CEACAM20: variants seen among roughly 807,000 people sequenced by gnomAD.
The protein encoded by CEACAM20 is cell adhesion molecule CEACAM20.
Under a neutral mutation model 61.2 loss-of-function variants are expected in CEACAM20, and 50 were observed. The ratio of observed to expected loss-of-function variants is 0.82; its 90% CI spans 0.65 to 1.03. CEACAM20 has a LOEUF of 1.03. Ranked by LOEUF, CEACAM20 falls within the 50% of genes least tolerant of loss-of-function variation. The pLI, the probability that CEACAM20 is intolerant of heterozygous loss-of-function variation, is 0.00. For synonymous variants in CEACAM20, 282 were observed against 287.7 expected (o/e 0.98, Z 0.20); for missense variants, 683 against 736.4 (o/e 0.93, Z 0.84).
At position 44,525,232 on chromosome 19, in the gene CEACAM20, G is replaced by A. The variant is rs1368384264; in HGVS notation, c.65C>T (p.Thr22Ile). 1.3e-6 allele frequency: 2 copies of A among 1,588,812 alleles called. No homozygotes were observed. The highest frequency in any genetic ancestry group is 1.8e-5 in the Admixed American group (1 of 54,938). ...MGILLSASLC[T>I]VWSPPAAAQL... ...GGCTGCAGCTGGAGGACTCCATACG[G>A]TACAAAGCGAGGCTACAAGGGGAGA... The change falls in exon 2 of 12, where the codon ACC becomes ATC. Residue 22 changes from threonine (T) to isoleucine (I), a missense_variant. Transcript: ENST00000614924.
chr19:44,524,005 G>A lies in CEACAM20; in HGVS notation c.453C>T (p.Pro151=), dbSNP rs1971447789. 2 of 1,552,296 alleles carry A rather than the reference G, an allele frequency of 1.3e-6. No homozygotes were observed. Among genetic ancestry groups the A allele is most frequent in the Non-Finnish European group, 1.7e-6 (2 of 1,147,118 alleles). ...ACTCACACTTCACATCCAGGAAGAT[G>A]GGGTCGCTCCTCTGGCTCAGAAGGG... is the stretch of plus-strand genomic sequence containing the variant. ...RDALLSQRSD[P]IFLDVKYGPD... The change falls in exon 3 of 12, where the codon CCC becomes CCT. Residue 151 remains proline, a synonymous_variant. Transcript: ENST00000614924.
chr19:44,529,375 C>CAG, intron 1 of CEACAM20, 83 bp downstream of exon 1: 1 of 1,222,842 alleles, frequency 8.2e-7, no homozygotes, highest in South Asian at 1.2e-5. Flanking sequence ...CACACACACA[C>CAG]ACACACACAC....
At chr19:44,515,057 TC>T (rs1971115540) in intron 6 of CEACAM20, among the ~76,000 whole-genome samples, 1 of 151,972 alleles carries the variant, frequency 6.6e-6, no homozygotes, top group Admixed American at 6.6e-5. Context: ...CGGCTGGTCT[TC>T]AACTCCTGAC....
At chr19:44,521,199 G>T (rs1182082746) in intron 4 of CEACAM20, among the ~76,000 whole-genome samples, 2 of 152,064 alleles carry the variant, frequency 1.3e-5, no homozygotes, top group Non-Finnish European at 1.5e-5. Flanking sequence ...TGTATGTGCT[G>T]CATGTGGTAT....
chr19:44,528,136 CTTTCTTTCT>C (rs1329147582), intron 1 of CEACAM20, among the ~76,000 whole-genome samples: 3 of 140,222 alleles, frequency 2.1e-5, no homozygotes, highest in African/African-American at 5.7e-5. Flanking sequence ...ACTGGTATCT[CTTTCTTTCT>C]TTTCTTTCTT....
chr19:44,513,044 T>G (rs952448442), intron 7 of CEACAM20, 91 bp from the exon 8 acceptor site: 3 of 1,325,340 alleles, frequency 2.3e-6, no homozygotes, highest in African/African-American at 2.9e-5. Context: ...TCTTGAACAA[T>G]GCCCACAACC....
At chr19:44,528,164 TTCTTTCC>T (rs1243048594) in intron 1 of CEACAM20, among the ~76,000 whole-genome samples, 1 of 97,510 alleles carries the variant, frequency 1.0e-5, no homozygotes, top group Non-Finnish European at 2.5e-5. Flanking sequence ...TTTCTTTTCT[TTCTTTCC>T]TTTCTTTCTT....
rs1970976530 is a variant in CEACAM20 at position 44,510,937 on chromosome 19, A to G, written c.1737+93T>C. ...GATTTTTAAAGGGAAATTTTTCTTC[A>G]TAGTTCATCCTACAGACTCTTTAGT... is the stretch of plus-strand genomic sequence containing the variant. On this transcript the variant is annotated intron_variant, in intron 11 of 11. Coordinates refer to ENST00000614924, the MANE Select transcript of CEACAM20 (RefSeq NM_001102597.3). The G allele has an allele frequency of 2.7e-6, 4 of 1,472,816 alleles. No homozygotes were observed. The Admixed American group carries it at 6.7e-5, about 25-fold the overall frequency. 91.2% of individuals were successfully genotyped at this position (1,472,816 alleles called of 1,614,324 possible). A position where few individuals can be genotyped will look rare whatever the true frequency, so the allele number is the denominator to read the frequency against.
chr19:44,518,173 AGCAGGCAGGCAGGCAG>A, intron 5 of CEACAM20, among the ~76,000 whole-genome samples: 1 of 138,932 alleles, frequency 7.2e-6, no homozygotes, highest in African/African-American at 2.7e-5. Context: ...GAAGGAAGAA[AGCAGGCAGGCAGGCAG>A]GCAGGCAGGC....
intron 11 of CEACAM20, among the ~76,000 whole-genome samples, chr19:44,508,412 C>A (rs1970878507): frequency 6.6e-6 from 1 of 152,124 alleles, no homozygotes; most frequent in African/African-American, 2.4e-5. Context: ...CTTTCTGAGA[C>A]AAGGTCTTGT....
chr19:44,512,073 G>T lies in CEACAM20; in HGVS notation c.1519C>A (p.Leu507Met), dbSNP rs1486670285. The T allele has an allele frequency of 2.5e-6, 4 of 1,606,634 alleles. No homozygotes were observed. The African/African-American group carries it at 5.3e-5, about 21-fold the overall frequency. ...EHPTEPSSES[L>M]SPEYRNISQL... ...GATATATTGCGATACTCAGGACTCA[G>T]GCTTTCTAGAAAAAGTGAATCTCAG... Residue 507 changes from leucine to methionine, a missense_variant, in exon 9 of 12, where the codon CTG (leucine) becomes ATG (methionine). Transcript: ENST00000614924.
intron 11 of CEACAM20, among the ~76,000 whole-genome samples, chr19:44,510,599 AGAAAGAAAGAAAAAGGAAGGAAGG>A (rs1970958102): frequency 2.9e-5 from 2 of 68,410 alleles, no homozygotes; most frequent in Non-Finnish European, 5.2e-5. Context: ...AAAGAAAGAA[AGAAAGAAAGAAAAAGGAAGGAAGG>A]AAGAAAGAAA....
intron 5 of CEACAM20, 143 bp downstream of exon 5, chr19:44,520,331 C>T (rs1971315076): frequency 1.8e-6 from 2 of 1,086,862 alleles, no homozygotes; most frequent in Non-Finnish European, 2.6e-6. Flanking sequence ...TGAGGGCAGG[C>T]ACTTGGCCCT....
chr19:44,524,700 T>C (rs1971474377), intron 2 of CEACAM20, among the ~76,000 whole-genome samples: 1 of 152,052 alleles, frequency 6.6e-6, no homozygotes, highest in Non-Finnish European at 1.5e-5. Context: ...CCACCTCAGC[T>C]TCCCAAATAG....
At position 44,506,212 on chromosome 19, in the gene CEACAM20, C is replaced by A. The variant is rs1970814880; in HGVS notation, c.1740G>T (p.Glu580Asp). The A allele has an allele frequency of 1.9e-6, 3 of 1,613,534 alleles. No individual in the cohort carries two copies. The highest frequency in any genetic ancestry group is 2.5e-6 in the Non-Finnish European group (3 of 1,179,720). Residue 580 changes from glutamate to aspartate, a missense_variant and splice_region_variant, in exon 12 of 12, where the codon GAG becomes GAT. Glu to Asp is a conservative substitution (Grantham distance 45, BLOSUM62 2). Transcript: ENST00000614924. ...AAGTGTTGGGCTCTGGATTCACAAGCTCCTGTTAAACAAAGAGAAAATGTG... is the reference window on the plus strand; with the variant it reads ...AAGTGTTGGGCTCTGGATTCACAAGATCCTGTTAAACAAAGAGAAAATGTG... Reference protein sequence around the residue: ...VPKNMESIYEELVNPEPNTYI... With the variant: ...VPKNMESIYEDLVNPEPNTYI...
At chr19:44,518,650 A>G (rs1054139161) in intron 5 of CEACAM20, among the ~76,000 whole-genome samples, 2 of 152,130 alleles carry the variant, frequency 1.3e-5, no homozygotes, top group African/African-American at 4.8e-5. Context: ...AAAGGATGCA[A>G]AAGGTTGCTA....
rs1050874739 is a variant in CEACAM20 at position 44,520,817 on chromosome 19, G to A, written c.752-65C>T. 7 of 1,540,900 alleles carry A rather than the reference G, an allele frequency of 4.5e-6. No individual in the cohort carries two copies. In the African/African-American group the frequency reaches 8.2e-5, roughly 18 times the overall value. On this transcript the variant is annotated intron_variant, in intron 4 of 11. Transcript: ENST00000614924. ...TTTCCCTCATCTCCTGCCCTTGTGGGGCCCACAAGTTTTTCCAGGAGTGCG... is the reference window on the plus strand; with the variant it reads ...TTTCCCTCATCTCCTGCCCTTGTGGAGCCCACAAGTTTTTCCAGGAGTGCG...
chr19:44,522,744 G>A lies in CEACAM20; in HGVS notation c.641C>T (p.Thr214Ile). Residue 214 changes from threonine to isoleucine, a missense_variant, in exon 4 of 12, where the codon ACA becomes ATA. Coordinates refer to ENST00000614924, the MANE Select transcript of CEACAM20 (RefSeq NM_001102597.3). ...LDSILSHTTRTFTIHAVSREH... is the reference protein window; with the variant it reads ...LDSILSHTTRIFTIHAVSREH... ...TCTGGACACAGCATGGATGGTGAAT[G>A]TTCTCGTGGTGTGAGACAGAATGGA... 1 of 1,613,942 alleles carries A rather than the reference G, an allele frequency of 6.2e-7. No homozygotes were observed. Among genetic ancestry groups the A allele is most frequent in the Non-Finnish European group, 8.5e-7 (1 of 1,179,872 alleles).
At chr19:44,510,804 T>G (rs532024884) in intron 11 of CEACAM20, among the ~76,000 whole-genome samples, 1 of 152,010 alleles carries the variant, frequency 6.6e-6, no homozygotes, top group African/African-American at 2.4e-5. Flanking sequence ...AGAAAGGAAT[T>G]GGGTGGAGTG....
Sources: gnomAD v4.1 joint callset for allele counts (sites outside exome capture counted in the v4.1 genomes callset) on GRCh38, gnomAD v4.1.1 for gene constraint, MANE v1.5 for transcripts, NCBI Gene and HGNC (gene_info 2026-07-23, HGNC 2026-07-21) for gene names.